The following NFIB variants were observed in gnomAD, a reference collection of about 807,000 sequenced individuals.
The protein encoded by NFIB is nuclear factor I B.
In NFIB, 11 loss-of-function variants were observed where a neutral mutation model predicts 61.5. The ratio of observed to expected loss-of-function variants is 0.18; its 90% CI spans 0.11 to 0.30. The LOEUF is 0.30. NFIB is among the 10% of genes least tolerant of loss of function. The pLI, the probability that NFIB is intolerant of heterozygous loss-of-function variation, is 1.00. For synonymous variants in NFIB, 260 were observed against 216.5 expected (o/e 1.20, Z -1.76); for missense variants, 471 against 608.9 (o/e 0.77, Z 2.38).
At chr9:14,510,041 G>A in the NFIB span, among the ~76,000 whole-genome samples, 1 of 152,214 alleles carries the variant, frequency 6.6e-6, no homozygotes, top group South Asian at 2.1e-4. Context: ...GGATACAGGA[G>A]CATGCCACTA....
At chr9:14,408,484 C>T in the NFIB span, among the ~76,000 whole-genome samples, 1 of 152,094 alleles carries the variant, frequency 6.6e-6, no homozygotes, top group Non-Finnish European at 1.5e-5. Context: ...TTTCAGAGAC[C>T]ACAATGGAGG....
chr9:14,374,283 A>G (rs1459015383), intron 1 of NFIB, among the ~76,000 whole-genome samples: 1 of 152,178 alleles, frequency 6.6e-6, no homozygotes, highest in Admixed American at 6.5e-5. Context: ...AAAAGAAGAG[A>G]GAAGTTTCAA....
At chr9:14,516,486 G>C in the NFIB span, among the ~76,000 whole-genome samples, 1 of 152,082 alleles carries the variant, frequency 6.6e-6, no homozygotes, top group African/African-American at 2.4e-5. Context: ...AAAAGGCTTG[G>C]TTCTTTCTGA....
intron 2 of NFIB, among the ~76,000 whole-genome samples, chr9:14,234,804 G>GGT (rs1491461097): frequency 1.1e-5 from 1 of 87,642 alleles, no homozygotes; most frequent in East Asian, 4.3e-4. Context: ...TTTTTTTTTT[G>GGT]GTTTTTTTTT....
intron 2 of NFIB, among the ~76,000 whole-genome samples, chr9:14,234,270 G>A (rs940332278): frequency 1.3e-5 from 2 of 152,118 alleles, no homozygotes; most frequent in Non-Finnish European, 2.9e-5. Context: ...AAAAGTACTA[G>A]AACAAAAATC....
the NFIB span, among the ~76,000 whole-genome samples, chr9:14,427,508 G>T: frequency 6.6e-6 from 1 of 152,126 alleles, no homozygotes; most frequent in Non-Finnish European, 1.5e-5. Flanking sequence ...ACAGGAATCA[G>T]TCACCAGAGT....
chr9:14,273,798 G>C (rs1563965032), intron 2 of NFIB, among the ~76,000 whole-genome samples: 1 of 152,104 alleles, frequency 6.6e-6, no homozygotes, highest in Non-Finnish European at 1.5e-5. Context: ...ATGTGGTCTT[G>C]AAAACACAAA....
intron 10 of NFIB, among the ~76,000 whole-genome samples, chr9:14,101,061 TTAAA>T (rs1320177811): frequency 1.4e-4 from 22 of 152,236 alleles, no homozygotes; most frequent in Non-Finnish European, 2.9e-5. Flanking sequence ...TTAAATTCAA[TTAAA>T]TAAACTTTAA....
At position 14,131,536 on chromosome 9, in the gene NFIB, T is replaced by C. The variant is rs546918345; in HGVS notation, c.926-5770A>G. The stretch of plus-strand genomic sequence containing the variant: ...TCGCTGTGAAACACAGCGTATGTAC[T>C]CGACTCATCGGCAGCTTGCACAAAT... On this transcript the variant is annotated intron_variant, in intron 6 of 10. Transcript: ENST00000380953. 5.9e-5 allele frequency among the ~76,000 whole-genome samples: 9 copies of C among 152,300 alleles called. No homozygotes were observed. The South Asian group carries it at 1.9e-3, about 32-fold the overall frequency.
intron 7 of NFIB, among the ~76,000 whole-genome samples, chr9:14,125,402 C>T (rs148889815): frequency 7.9e-4 from 120 of 152,278 alleles, no homozygotes; most frequent in African/African-American, 2.7e-3. Flanking sequence ...GTGATCCACC[C>T]GCCTCAGCCT....
At chr9:14,339,630 T>C (rs1233211850) in intron 1 of NFIB, among the ~76,000 whole-genome samples, 1 of 152,156 alleles carries the variant, frequency 6.6e-6, no homozygotes, top group Non-Finnish European at 1.5e-5. Context: ...ACACTATTAA[T>C]GAAGATGTTA....
chr9:14,094,550 G>A (rs985641943), intron 10 of NFIB: 6 of 152,218 alleles, frequency 3.9e-5, no homozygotes, highest in Admixed American at 2.6e-4. Context: ...TATTGCCGTC[G>A]GAATGATCCT....
chr9:14,113,903 A>AC (rs1345615455), intron 9 of NFIB, among the ~76,000 whole-genome samples: 9 of 149,230 alleles, frequency 6.0e-5, no homozygotes, highest in African/African-American at 1.2e-4. Flanking sequence ...TCACACACAC[A>AC]AAAAAAAAAT....
the NFIB span, among the ~76,000 whole-genome samples, chr9:14,484,249 T>A: frequency 6.6e-6 from 1 of 152,252 alleles, no homozygotes; most frequent in Non-Finnish European, 1.5e-5. Context: ...ATCCCTGCCC[T>A]GAGTAGCAGC....
At chr9:14,415,485 G>A in the NFIB span, among the ~76,000 whole-genome samples, 6 of 152,248 alleles carry the variant, frequency 3.9e-5, no homozygotes, top group South Asian at 2.1e-4. Context: ...CTCAAAGGCC[G>A]GTGACTGCAC....
chr9:14,322,308 T>TGC (rs1564007827), intron 1 of NFIB: 2 of 299,258 alleles, frequency 6.7e-6, no homozygotes, highest in African/African-American at 4.3e-5. Context: ...TGTGTGTGTG[T>TGC]GCGCCCGCGT....
the NFIB span, among the ~76,000 whole-genome samples, chr9:14,463,440 T>G: frequency 1.1e-4 from 16 of 151,788 alleles, no homozygotes; most frequent in South Asian, 3.3e-3. Context: ...GATTTTTCCC[T>G]TATATATTTA....
the NFIB span, among the ~76,000 whole-genome samples, chr9:14,525,897 C>T: frequency 1.3e-5 from 2 of 152,132 alleles, no homozygotes; most frequent in Admixed American, 6.5e-5. Context: ...AGACCTGAGA[C>T]TGTATAAATA....
intron 1 of NFIB, among the ~76,000 whole-genome samples, chr9:14,370,218 C>G (rs2061344261): frequency 6.6e-6 from 1 of 152,196 alleles, no homozygotes; most frequent in Non-Finnish European, 1.5e-5. Flanking sequence ...CTCTTACCCC[C>G]ATCGGACTCA....
Sources: gnomAD v4.1 joint callset for allele counts (sites outside exome capture counted in the v4.1 genomes callset) on GRCh38, gnomAD v4.1.1 for gene constraint, MANE v1.5 for transcripts, NCBI Gene and HGNC (gene_info 2026-07-23, HGNC 2026-07-21) for gene names.